RSF1: variants seen among roughly 807,000 people sequenced by gnomAD.
The protein encoded by RSF1 is remodeling and spacing factor 1, also known as HBV pX-associated protein 8.
A neutral mutation model predicts 145.2 loss-of-function variants in RSF1; 13 were observed. That is an observed-to-expected ratio of 0.09 (90% CI 0.06 to 0.14). The LOEUF is 0.14. Ranked by LOEUF, RSF1 falls within the 10% of genes least tolerant of loss-of-function variation. The probability of loss-of-function intolerance (pLI) is 1.00; values close to 1 mark genes in which losing one functional copy is unlikely to be tolerated. For missense variants in RSF1, 1,517 were observed against 1,718.2 expected (o/e 0.88, Z 2.07); for synonymous variants, 577 against 592.6 (o/e 0.97, Z 0.38).
At chr11:77,811,640 A>G (rs1948732583) in intron 1 of RSF1, among the ~76,000 whole-genome samples, 2 of 152,224 alleles carry the variant, frequency 1.3e-5, no homozygotes, top group African/African-American at 2.4e-5. Flanking sequence ...ACGAAGAAAA[A>G]GCATAAATGT....
upstream of RSF1, chr11:77,820,971 C>T: frequency 3.7e-6 from 2 of 539,274 alleles, no homozygotes; most frequent in Non-Finnish European, 6.5e-6. Flanking sequence ...TTCTCTCCTC[C>T]CCTTCGGGCT....
At chr11:77,683,323 GAGCTATGGAAATCTGATAAAGT>G (rs1959915733) in intron 11 of RSF1, among the ~76,000 whole-genome samples, 1 of 151,932 alleles carries the variant, frequency 6.6e-6, no homozygotes, top group African/African-American at 2.4e-5. Flanking sequence ...CTTAACCCAA[GAGCTATGGAAATCTGATAAAGT>G]ATGTTAAAGC....
At chr11:77,855,592 G>A in the RSF1 span, 1 of 151,518 alleles carries the variant, frequency 6.6e-6, no homozygotes, top group Non-Finnish European at 1.5e-5. Context: ...GCCTCCCAAA[G>A]TGCTGGGATT....
the RSF1 span, among the ~76,000 whole-genome samples, chr11:77,856,752 A>C: frequency 2.6e-5 from 4 of 152,326 alleles, no homozygotes; most frequent in Admixed American, 2.6e-4. Context: ...TCATGAGAAC[A>C]GCAAGGGGGA....
chr11:77,833,009 A>ATATT, the RSF1 span, among the ~76,000 whole-genome samples: 2 of 60,034 alleles, frequency 3.3e-5, no homozygotes, highest in African/African-American at 7.0e-5. Context: ...ATATATATAT[A>ATATT]TTTTTTTTTT....
chr11:77,808,204 C>T (rs1032453836), intron 1 of RSF1, among the ~76,000 whole-genome samples: 3 of 151,768 alleles, frequency 2.0e-5, no homozygotes, highest in Admixed American at 6.6e-5. Context: ...CATGATGGTG[C>T]GTGCCTGTAC....
At chr11:77,819,135 C>A (rs1159935797) in intron 1 of RSF1, among the ~76,000 whole-genome samples, 2 of 152,200 alleles carry the variant, frequency 1.3e-5, no homozygotes, top group Admixed American at 6.5e-5. Context: ...ACAGAAACTT[C>A]TTCATTTACA....
intron 5 of RSF1, among the ~76,000 whole-genome samples, chr11:77,703,710 G>A (rs987297991): frequency 2.0e-5 from 3 of 152,132 alleles, no homozygotes; most frequent in African/African-American, 7.2e-5. Flanking sequence ...ACTGTAATCA[G>A]TATTTCTTCC....
intron 2 of RSF1, among the ~76,000 whole-genome samples, chr11:77,752,839 G>A (rs573113726): frequency 6.6e-6 from 1 of 152,188 alleles, no homozygotes; most frequent in South Asian, 2.1e-4. Flanking sequence ...CAAGATAAAG[G>A]TCATAAAGAC....
At chr11:77,761,317 T>C (rs1039828642) in intron 2 of RSF1, among the ~76,000 whole-genome samples, 3 of 152,164 alleles carry the variant, frequency 2.0e-5, no homozygotes, top group African/African-American at 7.2e-5. Context: ...TATTCTAAGA[T>C]TCGTATTTGC....
intron 1 of RSF1, among the ~76,000 whole-genome samples, chr11:77,808,842 A>G (rs1948704830): frequency 6.6e-6 from 1 of 152,084 alleles, no homozygotes; most frequent in African/African-American, 2.4e-5. Flanking sequence ...CTCAAATATT[A>G]TACCTTTTAA....
At chr11:77,829,554 A>C in the RSF1 span, 1 of 152,212 alleles carries the variant, frequency 6.6e-6, no homozygotes, top group Non-Finnish European at 1.5e-5. Context: ...CTGGAGATCC[A>C]CATAGAAAAG....
chr11:77,724,567 T>G lies in RSF1; in HGVS notation c.733+978A>C, dbSNP rs75717135. On this transcript the variant is annotated intron_variant, in intron 5 of 15. Transcript: ENST00000308488. ...ATTATTATTAAAAGGAAGAAAATTC[T>G]GACATACACTACAACAGTGGTTCCC... is the stretch of plus-strand genomic sequence containing the variant. Among the ~76,000 whole-genome samples, 1,028 of 152,332 alleles carry G rather than the reference T, an allele frequency of 6.7e-3. 8 individuals are homozygous for G. The highest frequency in any genetic ancestry group is 0.012 in the Non-Finnish European group (796 of 68,026).
At chr11:77,796,244 C>G (rs1476373391) in intron 1 of RSF1, among the ~76,000 whole-genome samples, 2 of 152,066 alleles carry the variant, frequency 1.3e-5, no homozygotes, top group Non-Finnish European at 2.9e-5. Context: ...TGATGAACAT[C>G]AATGTGAAAA....
intron 6 of RSF1, among the ~76,000 whole-genome samples, chr11:77,699,942 G>A (rs1169655244): frequency 2.6e-5 from 4 of 152,058 alleles, no homozygotes; most frequent in African/African-American, 7.2e-5. Context: ...CTATATCTAC[G>A]GACATGAAGA....
chr11:77,661,448 T>A lies in RSF1; in HGVS notation c.*5469A>T, dbSNP rs191534525. On this transcript the variant is annotated 3_prime_UTR_variant, in exon 16 of 16. Transcript: ENST00000308488. ...CTAATATAAGCTAGATGTGTGTGTG[T>A]GTGTGTGTGTGTGTGCAATTTTCAT... 1.3e-5 allele frequency: 2 copies of A among 152,130 alleles called. No individual in the cohort carries two copies. Among genetic ancestry groups the A allele is most frequent in the Admixed American group, 1.3e-4 (2 of 15,264 alleles). 9.4% of individuals were successfully genotyped at this position (152,130 alleles called of 1,614,324 possible).
chr11:77,714,502 T>A (rs1194818326), intron 5 of RSF1, among the ~76,000 whole-genome samples: 3 of 152,194 alleles, frequency 2.0e-5, no homozygotes, highest in Non-Finnish European at 2.9e-5. Context: ...CTTTTCTTCC[T>A]TGCTTCCTTC....
At chr11:77,712,333 C>T (rs1387728205) in intron 5 of RSF1, among the ~76,000 whole-genome samples, 1 of 152,194 alleles carries the variant, frequency 6.6e-6, no homozygotes, top group African/African-American at 2.4e-5. Flanking sequence ...TGCCTTCCAC[C>T]ATGATTATGA....
chr11:77,823,069 C>A (rs1948995250), upstream of RSF1, among the ~76,000 whole-genome samples: 2 of 151,900 alleles, frequency 1.3e-5, no homozygotes, highest in Admixed American at 6.6e-5. Flanking sequence ...AAAAAATTAG[C>A]CGGGCGTGGT....
Sources: allele counts gnomAD v4.1 joint callset (sites outside exome capture counted in the v4.1 genomes callset), GRCh38; gene constraint gnomAD v4.1.1; transcripts MANE v1.5; gene names NCBI Gene and HGNC (gene_info 2026-07-23, HGNC 2026-07-21).